Variants in TAF3 observed in about 807,000 individuals in gnomAD.
TAF3 encodes transcription initiation factor TFIID subunit 3.
A neutral mutation model predicts 80.6 loss-of-function variants in TAF3; 7 were observed. The ratio of observed to expected loss-of-function variants is 0.09; its 90% confidence interval spans 0.05 to 0.16. The LOEUF (loss-of-function observed/expected upper bound fraction) is 0.16, where lower values mean the gene tolerates loss of function less well. Among genes scored for constraint, TAF3 ranks in the 10% least tolerant of loss-of-function variants. The probability of loss-of-function intolerance (pLI) is 1.00; values close to 1 mark genes in which losing one functional copy is unlikely to be tolerated. For missense variants in TAF3, 921 were observed against 1,140.2 expected (o/e 0.81, Z 2.77); for synonymous variants, 444 against 446.1 (o/e 1.00, Z 0.06).
intron 2 of TAF3, among the ~76,000 whole-genome samples, chr10:7,864,056 G>A (rs1837184664): frequency 6.6e-6 from 1 of 151,926 alleles, no homozygotes; most frequent in African/African-American, 2.4e-5. Context: ...AGTGTGGTAG[G>A]TACACTGATG....
chr10:7,900,464 A>G lies in TAF3; in HGVS notation c.410-63456A>G, dbSNP rs571442082. Among the ~76,000 whole-genome samples, 17 of 152,224 alleles carry G rather than the reference A, an allele frequency of 1.1e-4. No homozygotes were observed. The South Asian group carries it at 3.3e-3, about 30-fold the overall frequency. ...GTACATGACTGCTACTCCTCGGTGGATGGCTGGAGAGAGCTCAGAGGCCCA... is the reference window on the plus strand; with the variant it reads ...GTACATGACTGCTACTCCTCGGTGGGTGGCTGGAGAGAGCTCAGAGGCCCA... On this transcript the variant is annotated intron_variant, in intron 2 of 6. Coordinates refer to ENST00000344293, the MANE Select transcript of TAF3 (RefSeq NM_031923.4).
chr10:7,895,187 C>A (rs530595630), intron 2 of TAF3, among the ~76,000 whole-genome samples: 56 of 152,256 alleles, frequency 3.7e-4, no homozygotes, highest in African/African-American at 1.3e-3. Context: ...GGGCAATTTC[C>A]TTGGTAACTT....
chr10:8,004,850 A>G (rs1264563801), intron 4 of TAF3, among the ~76,000 whole-genome samples: 2 of 152,130 alleles, frequency 1.3e-5, no homozygotes, highest in East Asian at 3.8e-4. Context: ...AGTCTCAGGT[A>G]CTCTTTGTTA....
chr10:7,824,409 C>T lies in TAF3; in HGVS notation c.258C>T (p.Asn86=). 2 of 1,614,152 alleles carry T rather than the reference C, an allele frequency of 1.2e-6. No individual in the cohort carries two copies. The highest frequency in any genetic ancestry group is 1.7e-6 in the Non-Finnish European group (2 of 1,180,014). Reference sequence around the variant, plus strand: ...ATGAACTAGAAGACTATATTCACAACATTGAGCCTGTCACCTTCCCACACC... The same window carrying T: ...ATGAACTAGAAGACTATATTCACAATATTGAGCCTGTCACCTTCCCACACC... ...SLHELEDYIH[N]IEPVTFPHQI... The change falls in exon 2 of 7, where the codon AAC becomes AAT. Residue 86 remains asparagine, a synonymous_variant. Transcript: ENST00000344293.
intron 2 of TAF3, among the ~76,000 whole-genome samples, chr10:7,834,427 A>G (rs1278982414): frequency 6.6e-6 from 1 of 151,402 alleles, no homozygotes; most frequent in Non-Finnish European, 1.5e-5. Context: ...ATGGATATCC[A>G]GTTGTCTCCA....
intron 2 of TAF3, among the ~76,000 whole-genome samples, chr10:7,933,972 T>C (rs932706360): frequency 2.0e-5 from 3 of 152,152 alleles, no homozygotes; most frequent in African/African-American, 7.2e-5. Context: ...CCTGCACACA[T>C]GCACCGAAAC....
intron 2 of TAF3, among the ~76,000 whole-genome samples, chr10:7,933,098 CAA>C (rs34660241): frequency 1.7e-4 from 26 of 148,706 alleles, no homozygotes; most frequent in East Asian, 1.2e-3. Flanking sequence ...ATAAAGCAAA[CAA>C]AAAAAAAAAT....
chr10:7,887,776 C>A (rs755084677), intron 2 of TAF3, among the ~76,000 whole-genome samples: 1 of 151,812 alleles, frequency 6.6e-6, no homozygotes, highest in Non-Finnish European at 1.5e-5. Context: ...CCTGGTTATA[C>A]CTTTTGGTTT....
chr10:7,856,420 C>CA lies in TAF3; in HGVS notation c.409+31861dup, dbSNP rs551693473. Among the ~76,000 whole-genome samples the CA allele has an allele frequency of 2.5e-3, 382 of 152,230 alleles. 1 individual carries two copies. Among genetic ancestry groups the CA allele is most frequent in the African/African-American group, 9.0e-3 (372 of 41,530 alleles). On this transcript the variant is annotated intron_variant, in intron 2 of 6. Coordinates refer to ENST00000344293, the MANE Select transcript of TAF3 (RefSeq NM_031923.4). ...GCTTGAACCCAGTAGGTGGAGGTTG[C>CA]AGTGAGCCGAGATCATGCCACTGCA...
intron 2 of TAF3, among the ~76,000 whole-genome samples, chr10:7,931,583 C>G (rs530713154): frequency 6.6e-6 from 1 of 152,276 alleles, no homozygotes; most frequent in African/African-American, 2.4e-5. Flanking sequence ...CACAGATTTT[C>G]ATGAAGGTTC....
At chr10:7,938,918 C>G (rs966673069) in intron 2 of TAF3, among the ~76,000 whole-genome samples, 1 of 152,080 alleles carries the variant, frequency 6.6e-6, no homozygotes, top group Non-Finnish European at 1.5e-5. Flanking sequence ...TCCTAAACCC[C>G]ACTACAATGA....
chr10:7,955,563 A>T (rs557172829), intron 2 of TAF3, among the ~76,000 whole-genome samples: 4 of 152,266 alleles, frequency 2.6e-5, no homozygotes, highest in African/African-American at 9.6e-5. Context: ...TTAGTCAGAT[A>T]AAAAGCTTCT....
intron 2 of TAF3, among the ~76,000 whole-genome samples, chr10:7,857,187 CT>C (rs1170814037): frequency 1.3e-5 from 2 of 152,178 alleles, no homozygotes; most frequent in Admixed American, 1.3e-4. Flanking sequence ...ATATGAGTGA[CT>C]TTTTTGCTGA....
At chr10:7,935,231 C>T (rs1215065993) in intron 2 of TAF3, among the ~76,000 whole-genome samples, 8 of 151,812 alleles carry the variant, frequency 5.3e-5, no homozygotes, top group African/African-American at 9.7e-5. Flanking sequence ...GAGCCAAGAT[C>T]GTGCCACTGC....
Position 7,828,097 on chromosome 10 carries a change from C to T in TAF3, c.409+3537C>T, listed in dbSNP as rs954565333. Among the ~76,000 whole-genome samples, 5 of 152,118 alleles carry T rather than the reference C, an allele frequency of 3.3e-5. No individual in the cohort carries two copies. The East Asian group carries it at 9.6e-4, about 29-fold the overall frequency. ...AGGGGAATCGGTGTCAAGCTGCATT[C>T]AGTGGCACACCCATAGTCCTAGCTA... is the stretch of plus-strand genomic sequence containing the variant. On this transcript the variant is annotated intron_variant, in intron 2 of 6. Transcript: ENST00000344293.
rs1413026742 is a variant in TAF3 at position 8,015,301 on chromosome 10, A to C, written c.*550A>C. 1 of 152,266 alleles carries C rather than the reference A, an allele frequency of 6.6e-6. No homozygotes were observed. The highest frequency in any genetic ancestry group is 1.5e-5 in the Non-Finnish European group (1 of 68,080). 9.4% of individuals were successfully genotyped at this position (152,266 alleles called of 1,614,324 possible). On this transcript the variant is annotated 3_prime_UTR_variant, in exon 7 of 7. Coordinates refer to ENST00000344293, the MANE Select transcript of TAF3 (RefSeq NM_031923.4). ...TCCCCCGTTTTTAGTACTAACATGT[A>C]AAATGTTCAGGCTTTTGTGAAATAC... is the stretch of plus-strand genomic sequence containing the variant.
At chr10:7,909,401 T>C (rs1837636601) in intron 2 of TAF3, among the ~76,000 whole-genome samples, 1 of 152,212 alleles carries the variant, frequency 6.6e-6, no homozygotes, top group African/African-American at 2.4e-5. Flanking sequence ...TCCACCACCA[T>C]CTGCCCCTCA....
At chr10:7,856,013 A>G (rs920594779) in intron 2 of TAF3, among the ~76,000 whole-genome samples, 2 of 152,046 alleles carry the variant, frequency 1.3e-5, no homozygotes, top group Non-Finnish European at 2.9e-5. Context: ...CCAGGAAGCA[A>G]GAGCAGGGTG....
chr10:7,916,739 G>C (rs1837714941), intron 2 of TAF3, among the ~76,000 whole-genome samples: 1 of 152,106 alleles, frequency 6.6e-6, no homozygotes, highest in African/African-American at 2.4e-5. Context: ...TTATTTTTAT[G>C]TATAAATGTG....
Sources: gnomAD v4.1 joint callset for allele counts (sites outside exome capture counted in the v4.1 genomes callset) on GRCh38, gnomAD v4.1.1 for gene constraint, MANE v1.5 for transcripts, NCBI Gene and HGNC (gene_info 2026-07-23, HGNC 2026-07-21) for gene names.